ETFA: variants seen among roughly 807,000 people sequenced by gnomAD.
The protein encoded by ETFA is electron transfer flavoprotein subunit alpha, mitochondrial.
A neutral mutation model predicts 46.2 loss-of-function variants in ETFA; 22 were observed. The observed-to-expected ratio is 0.48, with a 90% confidence interval of 0.34 to 0.68. ETFA has a LOEUF of 0.68. Ranked by LOEUF, ETFA falls within the 30% of genes least tolerant of loss-of-function variation. The pLI is 0.01. For missense variants in ETFA, 345 were observed against 401.1 expected, an observed-to-expected ratio of 0.86 and a Z score of 1.19; for synonymous variants, 131 against 139.9, an observed-to-expected ratio of 0.94 and a Z score of 0.45.
chr15:76,307,350 G>C (rs2039948475), intron 1 of ETFA, among the ~76,000 whole-genome samples: 1 of 151,960 alleles, frequency 6.6e-6, no homozygotes, highest in Non-Finnish European at 1.5e-5. Flanking sequence ...ACACACATAA[G>C]GATGAAAGAC....
chr15:76,311,466 T>A lies in ETFA; in HGVS notation c.-78A>T. Reference sequence around the variant, plus strand: ...ACTGGCGCCGCCTCAGCCAGTCACCTAATGCTCGCGAGACGCGCGAACGAG... The same window carrying A: ...ACTGGCGCCGCCTCAGCCAGTCACCAAATGCTCGCGAGACGCGCGAACGAG... On this transcript the variant is annotated 5_prime_UTR_variant, in exon 1 of 12. Transcript: ENST00000557943. The A allele has an allele frequency of 1.1e-5, 16 of 1,515,976 alleles. No individual in the cohort carries two copies. The highest frequency in any genetic ancestry group is 1.4e-5 in the Non-Finnish European group (16 of 1,124,540). The allele number at this position is 1,515,976 out of a possible 1,614,324, so 93.9% of individuals were successfully genotyped here. A position where few individuals can be genotyped will look rare whatever the true frequency, so the allele number is the denominator to read the frequency against.
intron 7 of ETFA, chr15:76,284,985 AT>A (rs540085952): frequency 3.8e-4 from 121 of 316,686 alleles, no homozygotes; most frequent in East Asian, 2.2e-3. Context: ...CAAAATATTA[AT>A]TTTTTTTTCT....
chr15:76,246,472 G>C (rs1459157487), intron 9 of ETFA, among the ~76,000 whole-genome samples: 1 of 152,160 alleles, frequency 6.6e-6, no homozygotes, highest in African/African-American at 2.4e-5. Context: ...TAATTTCCTT[G>C]AAATGAAGGA....
chr15:76,286,908 C>A (rs2039709717), intron 5 of ETFA, among the ~76,000 whole-genome samples: 1 of 152,208 alleles, frequency 6.6e-6, no homozygotes, highest in Non-Finnish European at 1.5e-5. Context: ...TCATAAAGAA[C>A]AGGTATGAAT....
chr15:76,300,530 T>C (rs2039869547), intron 1 of ETFA, among the ~76,000 whole-genome samples: 1 of 152,196 alleles, frequency 6.6e-6, no homozygotes, highest in Admixed American at 6.5e-5. Flanking sequence ...CAGGCCATTA[T>C]CCTTCTCCTC....
chr15:76,261,014 G>A, intron 9 of ETFA: 1 of 1,608,810 alleles, frequency 6.2e-7, no homozygotes, highest in Non-Finnish European at 8.5e-7. Flanking sequence ...TTGTCACGGT[G>A]ATGTTGAAGG....
At chr15:76,286,010 G>C (rs2039701811) in intron 6 of ETFA, among the ~76,000 whole-genome samples, 1 of 152,122 alleles carries the variant, frequency 6.6e-6, no homozygotes, top group Non-Finnish European at 1.5e-5. Context: ...GTTCAAATAA[G>C]ACACTATATA....
At chr15:76,231,816 T>C (rs1176491928) in intron 9 of ETFA, among the ~76,000 whole-genome samples, 9 of 152,222 alleles carry the variant, frequency 5.9e-5, no homozygotes, top group Admixed American at 5.9e-4. Flanking sequence ...TATATTAACA[T>C]ATAAACACAT....
chr15:76,243,375 A>T (rs1361087168), intron 9 of ETFA, among the ~76,000 whole-genome samples: 1 of 152,186 alleles, frequency 6.6e-6, no homozygotes, highest in African/African-American at 2.4e-5. Context: ...ACCATCACAG[A>T]ATTTCCCATG....
At chr15:76,262,067 A>C (rs1230653657) in intron 9 of ETFA, among the ~76,000 whole-genome samples, 1 of 152,222 alleles carries the variant, frequency 6.6e-6, no homozygotes, top group East Asian at 1.9e-4. Context: ...GAAATTAGAG[A>C]AATAAAAATT....
At position 76,286,637 on chromosome 15, in the gene ETFA, C is replaced by T. The variant is rs545717380; in HGVS notation, c.452-156G>A. 32 of 663,106 alleles carry T rather than the reference C, an allele frequency of 4.8e-5. No homozygotes were observed. In the East Asian group the frequency reaches 5.5e-4, roughly 11 times the overall value. The allele number at this position is 663,106 out of a possible 1,614,324, so 41.1% of individuals were successfully genotyped here. A position where few individuals can be genotyped will look rare whatever the true frequency, so the allele number is the denominator to read the frequency against. ...AAGTATAGGAAAAAATGAACCATAACGGTGAAGAAACATATCAGCAGATAT... is the reference window on the plus strand; with the variant it reads ...AAGTATAGGAAAAAATGAACCATAATGGTGAAGAAACATATCAGCAGATAT... On this transcript the variant is annotated intron_variant, in intron 5 of 11. Transcript: ENST00000557943.
intron 9 of ETFA, among the ~76,000 whole-genome samples, chr15:76,256,532 G>A (rs1207655364): frequency 6.6e-6 from 1 of 152,178 alleles, no homozygotes; most frequent in Admixed American, 6.5e-5. Flanking sequence ...TGTGAATAAA[G>A]TGACCTCATC....
chr15:76,286,917 A>G (rs2141532341), intron 5 of ETFA, among the ~76,000 whole-genome samples: 1 of 152,370 alleles, frequency 6.6e-6, no homozygotes, highest in South Asian at 2.1e-4. Context: ...ACAGGTATGA[A>G]TGTGCTAAGA....
chr15:76,217,301 C>T (rs1359289390), intron 11 of ETFA, among the ~76,000 whole-genome samples: 2 of 152,220 alleles, frequency 1.3e-5, no homozygotes, highest in Non-Finnish European at 2.9e-5. Context: ...CTCTAGCTTA[C>T]TGCAATTATG....
intron 8 of ETFA, among the ~76,000 whole-genome samples, chr15:76,277,020 G>A (rs919692730): frequency 3.9e-5 from 6 of 152,092 alleles, no homozygotes; most frequent in African/African-American, 1.2e-4. Context: ...GATGTACACG[G>A]GTAAAAGGAA....
chr15:76,295,628 T>G lies in ETFA; in HGVS notation c.149A>C (p.Glu50Ala). ...TITAATRLGGEVSCLVAGTKC... is the reference protein window; with the variant it reads ...TITAATRLGGAVSCLVAGTKC... ...GGTTCCAGCTACTAAGCAGGACACT[T>G]CACCTCCAAGGCGTGTGGCTGCAGT... The change falls in exon 2 of 12, where the codon GAA (glutamate) becomes GCA (alanine). Residue 50 changes from glutamate (E) to alanine (A), a missense_variant. By Grantham distance (107) the Glu-to-Ala change is moderately radical. Coordinates refer to ENST00000557943, the MANE Select transcript of ETFA (RefSeq NM_000126.4). 1 of 1,613,924 alleles carries G rather than the reference T, an allele frequency of 6.2e-7. No individual in the cohort carries two copies. The highest frequency in any genetic ancestry group is 1.3e-5 in the African/African-American group (1 of 75,030).
chr15:76,233,706 A>T (rs2039093501), intron 9 of ETFA, among the ~76,000 whole-genome samples: 1 of 152,212 alleles, frequency 6.6e-6, no homozygotes, highest in Non-Finnish European at 1.5e-5. Context: ...TTAAACTGTT[A>T]ATCAAAATAT....
intron 1 of ETFA, among the ~76,000 whole-genome samples, chr15:76,307,159 ATTC>A (rs141739111): frequency 0.012 from 1,778 of 152,312 alleles, 38 homozygotes; most frequent in African/African-American, 0.041. Context: ...GCATCTTCTT[ATTC>A]TTCAATAAAT....
chr15:76,262,477 T>C (rs1296609052), intron 9 of ETFA, among the ~76,000 whole-genome samples: 238 of 75,046 alleles, frequency 3.2e-3, no homozygotes, highest in Non-Finnish European at 5.8e-3. Flanking sequence ...AAACCCCCTT[T>C]TTTTTTTTTT....
Sources: gnomAD v4.1 joint callset for allele counts (sites outside exome capture counted in the v4.1 genomes callset) on GRCh38, gnomAD v4.1.1 for gene constraint, MANE v1.5 for transcripts, NCBI Gene and HGNC (gene_info 2026-07-23, HGNC 2026-07-21) for gene names.